The following TRHR variants were observed in gnomAD, a reference collection of about 807,000 sequenced individuals.
The protein encoded by TRHR is thyrotropin-releasing hormone receptor.
A neutral mutation model predicts 28.0 loss-of-function variants in TRHR; 14 were observed. That is an observed-to-expected ratio of 0.50 (90% CI 0.33 to 0.78). TRHR has a LOEUF of 0.78. TRHR is among the 30% of genes least tolerant of loss of function. The probability of loss-of-function intolerance (pLI) is 0.02; values close to 1 mark genes in which losing one functional copy is unlikely to be tolerated. For missense variants in TRHR, 438 were observed against 469.5 expected, an observed-to-expected ratio of 0.93 and a Z score of 0.62; for synonymous variants, 176 against 171.9, an observed-to-expected ratio of 1.02 and a Z score of -0.18.
At chr8:109,117,853 T>C (rs1366969432) in intron 2 of TRHR, among the ~76,000 whole-genome samples, 1 of 151,914 alleles carries the variant, frequency 6.6e-6, no homozygotes, top group East Asian at 1.9e-4. Context: ...TAGTTGGTAT[T>C]ATATGAACCA....
At chr8:109,116,586 G>A (rs1487816871) in intron 2 of TRHR, among the ~76,000 whole-genome samples, 1 of 152,096 alleles carries the variant, frequency 6.6e-6, no homozygotes, top group Non-Finnish European at 1.5e-5. Context: ...TAGTTTATTT[G>A]TGTAGAGGTG....
rs1231037824 is a variant in TRHR, at chr8:109,088,109, T to G, written c.597T>G (p.Phe199Leu). ...TTTACCTAATGGACTTTGGTGTCTTTTATGTTGTGCCAATGATCCTGGCTA... is the reference window on the plus strand; with the variant it reads ...TTTACCTAATGGACTTTGGTGTCTTGTATGTTGTGCCAATGATCCTGGCTA... ...SPIYLMDFGV[F>L]YVVPMILATV... Residue 199 changes from phenylalanine (F) to leucine (L), a missense_variant, in exon 2 of 3, where the codon TTT becomes TTG. Phe to Leu is a conservative substitution (Grantham distance 22). Transcript: ENST00000518632. 3 of 1,614,154 alleles carry G rather than the reference T, an allele frequency of 1.9e-6. No individual in the cohort carries two copies. In the South Asian group the frequency reaches 3.3e-5, roughly 18 times the overall value.
chr8:109,112,681 A>C (rs972843053), intron 2 of TRHR, among the ~76,000 whole-genome samples: 9 of 152,124 alleles, frequency 5.9e-5, no homozygotes, highest in African/African-American at 2.2e-4. Context: ...TGTCTTTCAA[A>C]TAGTTCATAA....
intron 1 of TRHR, 75 bp downstream of exon 1, chr8:109,086,958 AT>A (rs1811443140): frequency 6.2e-6 from 1 of 160,464 alleles, no homozygotes; most frequent in South Asian, 1.8e-4. Flanking sequence ...AAGGCTTGCT[AT>A]TTTATACCAA....
At chr8:109,093,678 A>G (rs770921268) in intron 2 of TRHR, among the ~76,000 whole-genome samples, 1 of 152,004 alleles carries the variant, frequency 6.6e-6, no homozygotes, top group Non-Finnish European at 1.5e-5. Flanking sequence ...TGCTGGGATT[A>G]CAGGCATGAG....
In TRHR at chr8:109,119,471, A is replaced by C; in HGVS notation, c.*16A>C. On this transcript the variant is annotated 3_prime_UTR_variant, in exon 3 of 3. Coordinates refer to ENST00000518632, the MANE Select transcript of TRHR (RefSeq NM_003301.7). ...CCAAAGTTGATTCATGAATTAGAAG[A>C]AAATGGATGACAAAGAAAATGAGAA... 1.9e-6 allele frequency: 3 copies of C among 1,610,414 alleles called. No individual in the cohort carries two copies. Among genetic ancestry groups the C allele is most frequent in the Non-Finnish European group, 2.5e-6 (3 of 1,178,676 alleles).
intron 2 of TRHR, among the ~76,000 whole-genome samples, chr8:109,100,806 C>T (rs530595023): frequency 1.3e-5 from 2 of 152,212 alleles, no homozygotes; most frequent in South Asian, 2.1e-4. Flanking sequence ...GAAAGGAGCA[C>T]TCTTAAGCTG....
chr8:109,113,262 C>T (rs535359549), intron 2 of TRHR, among the ~76,000 whole-genome samples: 1 of 152,102 alleles, frequency 6.6e-6, no homozygotes, highest in Non-Finnish European at 1.5e-5. Context: ...TTTTGGCAAG[C>T]CTGTTTGGAG....
At chr8:109,105,724 A>C (rs890919542) in intron 2 of TRHR, among the ~76,000 whole-genome samples, 1 of 152,176 alleles carries the variant, frequency 6.6e-6, no homozygotes, top group South Asian at 2.1e-4. Context: ...TTTTCAGAGC[A>C]TGTTGTTGTA....
At chr8:109,095,495 G>A (rs560677856) in intron 2 of TRHR, among the ~76,000 whole-genome samples, 11 of 152,058 alleles carry the variant, frequency 7.2e-5, no homozygotes, top group Middle Eastern at 3.2e-3. Context: ...GAAGGGAAGC[G>A]TCTAGAGAAG....
intron 2 of TRHR, among the ~76,000 whole-genome samples, chr8:109,097,285 G>A (rs1811607939): frequency 9.9e-5 from 15 of 152,030 alleles, no homozygotes; most frequent in Admixed American, 9.8e-4. Flanking sequence ...AGTGCCCCTA[G>A]GTGACTAATT....
chr8:109,087,078 C>A (rs759029577), intron 1 of TRHR, among the ~76,000 whole-genome samples, 195 bp downstream of exon 1: 12 of 152,148 alleles, frequency 7.9e-5, no homozygotes, highest in Non-Finnish European at 1.6e-4. Context: ...CTTTATTATA[C>A]TTTTGCCAGG....
At chr8:109,105,399 G>C (rs78273097) in intron 2 of TRHR, among the ~76,000 whole-genome samples, 1 of 152,180 alleles carries the variant, frequency 6.6e-6, no homozygotes, top group Non-Finnish European at 1.5e-5. Flanking sequence ...TCTTACATGT[G>C]TGACAATTAA....
intron 2 of TRHR, among the ~76,000 whole-genome samples, chr8:109,118,187 A>G (rs1429697350): frequency 1.3e-5 from 2 of 151,948 alleles, no homozygotes; most frequent in Non-Finnish European, 2.9e-5. Flanking sequence ...AAAGTACTTA[A>G]CAGCCTCTGT....
intron 2 of TRHR, among the ~76,000 whole-genome samples, chr8:109,093,482 T>C (rs184753089): frequency 7.3e-6 from 1 of 136,610 alleles, no homozygotes; most frequent in East Asian, 2.3e-4. Flanking sequence ...CTCGGCTCAC[T>C]GCAACCTCCG....
At position 109,088,178 on chromosome 8, in the gene TRHR, C is replaced by T; in HGVS notation, c.666C>T (p.Pro222=). The T allele has an allele frequency of 6.2e-7, 1 of 1,614,146 alleles. No individual in the cohort carries two copies. The highest frequency in any genetic ancestry group is 8.5e-7 in the Non-Finnish European group (1 of 1,180,018). The change falls in exon 2 of 3, where the codon CCC becomes CCT. Residue 222 remains proline, a synonymous_variant. Coordinates refer to ENST00000518632, the MANE Select transcript of TRHR (RefSeq NM_003301.7). The stretch of plus-strand genomic sequence containing the variant: ...TAGCTAGAATCCTTTTCTTAAATCC[C>T]ATTCCTTCAGATCCTAAAGAAAACT... The part of the protein sequence containing the change: ...GFIARILFLN[P]IPSDPKENSK...
rs114352539 is a variant in TRHR at position 109,086,980 on chromosome 8, C to T, written c.-89+97C>T. 1,528 of 163,304 alleles carry T rather than the reference C, an allele frequency of 9.4e-3. 12 individuals carry two copies. The highest frequency in any genetic ancestry group is 0.029 in the Middle Eastern group (9 of 308). 10.1% of individuals were successfully genotyped at this position (163,304 alleles called of 1,614,324 possible). A position where few individuals can be genotyped will look rare whatever the true frequency, so the allele number is the denominator to read the frequency against. Reference sequence around the variant, plus strand: ...GCTATTTTATACCAAAGACATCTCACCCTCTGAGAGCAAAAGAGGCAACAG... The same window carrying T: ...GCTATTTTATACCAAAGACATCTCATCCTCTGAGAGCAAAAGAGGCAACAG... On this transcript the variant is annotated intron_variant, in intron 1 of 2. Transcript: ENST00000518632.
chr8:109,106,835 A>T (rs1194411322), intron 2 of TRHR, among the ~76,000 whole-genome samples: 3 of 152,144 alleles, frequency 2.0e-5, no homozygotes, highest in African/African-American at 7.2e-5. Context: ...CGTTTATTGC[A>T]CCTACTAAGT....
chr8:109,087,430 T>C lies in TRHR; in HGVS notation c.-83T>C. The C allele has an allele frequency of 6.9e-7, 1 of 1,452,528 alleles. No homozygotes were observed. The highest frequency in any genetic ancestry group is 1.2e-5 in the South Asian group (1 of 86,616). The allele number at this position is 1,452,528 out of a possible 1,614,324, so 90.0% of individuals were successfully genotyped here. A position where few individuals can be genotyped will look rare whatever the true frequency, so the allele number is the denominator to read the frequency against. On this transcript the variant is annotated 5_prime_UTR_variant, in exon 2 of 3. An upstream start codon of the reference 5' UTR is lost. Coordinates refer to ENST00000518632, the MANE Select transcript of TRHR (RefSeq NM_003301.7). ...TGTACTATGACCCTTCACAGGGGGA[T>C]GGAACTGCTGCAATAAAGGTGGGCG...
Sources: gnomAD v4.1 joint callset for allele counts (sites outside exome capture counted in the v4.1 genomes callset) on GRCh38, gnomAD v4.1.1 for gene constraint, MANE v1.5 for transcripts, NCBI Gene and HGNC (gene_info 2026-07-23, HGNC 2026-07-21) for gene names.